PDGFRB: variants seen among roughly 807,000 people sequenced by gnomAD.
The protein encoded by PDGFRB is platelet-derived growth factor receptor beta.
PDGFRB carries 42 observed loss-of-function variants against 120.2 expected under a neutral mutation model. The observed-to-expected ratio is 0.35, with a 90% CI of 0.27 to 0.45. The LOEUF (loss-of-function observed/expected upper bound fraction) is 0.45, where lower values mean the gene tolerates loss of function less well. Among genes scored for constraint, PDGFRB ranks in the 20% least tolerant of loss-of-function variants. PDGFRB has a pLI of 1.00. For missense variants in PDGFRB, 1,149 were observed against 1,476.3 expected (o/e 0.78, Z 3.63); for synonymous variants, 586 against 606.8 (o/e 0.97, Z 0.50).
At position 150,135,769 on chromosome 5, in the gene PDGFRB, G is replaced by A. The variant is rs753583697; in HGVS notation, c.150C>T (p.Phe50=). 2.3e-5 allele frequency: 37 copies of A among 1,612,924 alleles called. No individual in the cohort carries two copies. The highest frequency in any genetic ancestry group is 1.4e-4 in the South Asian group (13 of 90,906). ...GAGCTGAACCCGAGCAGGTCAGAAC[G>A]AAGGTGCTGGAGACATTGAGGACAA... is the stretch of plus-strand genomic sequence containing the variant. ...PELVLNVSST[F]VLTCSGSAPV... The change falls in exon 3 of 23, where the codon TTC becomes TTT. Residue 50 remains phenylalanine (F), a synonymous_variant. Coordinates refer to ENST00000261799, the MANE Select transcript of PDGFRB (RefSeq NM_002609.4).
chr5:150,135,742 C>T lies in PDGFRB; in HGVS notation c.177G>A (p.Pro59=), dbSNP rs540479594. The change falls in exon 3 of 23, where the codon CCG becomes CCA. Residue 59 remains proline, a synonymous_variant. Transcript: ENST00000261799. ...TFVLTCSGSA[P]VVWERMSQEP... is the part of the protein sequence containing the mutation. ...CCTGGGACATCCGTTCCCACACCAC[C>T]GGAGCTGAACCCGAGCAGGTCAGAA... 2.0e-5 allele frequency: 32 copies of T among 1,614,092 alleles called. No individual in the cohort carries two copies. The highest frequency in any genetic ancestry group is 1.5e-4 in the African/African-American group (11 of 75,034).
chr5:150,144,767 G>A (rs2113924833), intron 1 of PDGFRB, among the ~76,000 whole-genome samples: 1 of 152,272 alleles, frequency 6.6e-6, no homozygotes, highest in East Asian at 1.9e-4. Flanking sequence ...GGAGGTCAGT[G>A]AGGGAGGGAG....
chr5:150,121,428 C>T lies in PDGFRB; in HGVS notation c.2345-106G>A. ...ACTGAATGTCCAAGACAGGTGGCTA[C>T]TGATCGTCTAGGTCTCCCCTAAAAG... is the stretch of plus-strand genomic sequence containing the variant. On this transcript the variant is annotated intron_variant, in intron 16 of 22. Coordinates refer to ENST00000261799, the MANE Select transcript of PDGFRB (RefSeq NM_002609.4). The surrounding 1 kb of genome is among the most constrained non-coding windows in gnomAD (Gnocchi z 4.1). 5 of 746,826 alleles carry T rather than the reference C, an allele frequency of 6.7e-6. No individual in the cohort carries two copies. The South Asian group carries it at 7.1e-5, about 11-fold the overall frequency. The allele number at this position is 746,826 out of a possible 1,614,324, so 46.3% of individuals were successfully genotyped here. A position where few individuals can be genotyped will look rare whatever the true frequency, so the allele number is the denominator to read the frequency against.
chr5:150,153,168 T>G (rs768550540), intron 1 of PDGFRB, among the ~76,000 whole-genome samples: 6 of 152,164 alleles, frequency 3.9e-5, no homozygotes, highest in Non-Finnish European at 8.8e-5. Context: ...CCACGGTGCT[T>G]TCCACTGCCT....
intron 1 of PDGFRB, among the ~76,000 whole-genome samples, chr5:150,145,354 G>A (rs1760892266): frequency 6.6e-6 from 1 of 152,180 alleles, no homozygotes; most frequent in Non-Finnish European, 1.5e-5. Flanking sequence ...AAGTTTTTGG[G>A]GAGTCAAAAG....
chr5:150,151,404 C>T (rs1399269082), intron 1 of PDGFRB, among the ~76,000 whole-genome samples: 1 of 152,220 alleles, frequency 6.6e-6, no homozygotes, highest in Non-Finnish European at 1.5e-5. Flanking sequence ...GAGGCACATT[C>T]TCAGGGTTTA....
intron 1 of PDGFRB, among the ~76,000 whole-genome samples, chr5:150,137,928 C>T (rs1291911371): frequency 1.3e-5 from 2 of 152,010 alleles, no homozygotes; most frequent in Non-Finnish European, 1.5e-5. Context: ...CCCAGAGAGA[C>T]AGCACCAGAG....
At chr5:150,119,315 T>C (rs1354279332) in intron 20 of PDGFRB, 152 bp downstream of exon 20, 2 of 665,756 alleles carry the variant, frequency 3.0e-6, no homozygotes, top group Admixed American at 4.6e-5. Context: ...AAGAGGTTCC[T>C]GATGCCATCC....
At position 150,117,683 on chromosome 5, in the gene PDGFRB, G is replaced by A. The variant is rs1282879442; in HGVS notation, c.3072C>T (p.Pro1024=). The A allele has an allele frequency of 6.2e-7, 1 of 1,613,814 alleles. No individual in the cohort carries two copies. The highest frequency in any genetic ancestry group is 8.5e-7 in the Non-Finnish European group (1 of 1,179,908). The change falls in exon 22 of 23, where the codon CCC becomes CCT. Residue 1024 remains proline, a synonymous_variant. Transcript: ENST00000261799. The part of the protein sequence containing the change: ...PNEGDNDYII[P]LPDPKPEVAD... The stretch of plus-strand genomic sequence containing the variant: ...CAACCTCGGGTTTGGGGTCAGGCAG[G>A]GGGATGATATAGTCGTTGTCACCCT...
In PDGFRB at chr5:150,115,787, C is replaced by T. The variant is rs376978985; in HGVS notation, c.3297G>A (p.Ala1099=). The part of the protein sequence containing the change: ...LPDSGCPAPR[A]EAEDSFL ...CCTACAGGAAGCTATCCTCTGCTTC[C>T]GCCCGAGGCGCAGGGCACCCCGAAT... is the stretch of plus-strand genomic sequence containing the variant. Residue 1099 remains alanine (A), a synonymous_variant, in exon 23 of 23, where the codon GCG becomes GCA. Transcript: ENST00000261799. 63 of 1,609,880 alleles carry T rather than the reference C, an allele frequency of 3.9e-5. No homozygotes were observed. Among genetic ancestry groups the T allele is most frequent in the Middle Eastern group, 3.9e-4 (2 of 5,178 alleles).
At position 150,115,715 on chromosome 5, in the gene PDGFRB, T is replaced by C; in HGVS notation, c.*48A>G. ...TCAGGCCAGGCCAGGAGATGCTGGG[T>C]GCTGGCAGGGGGGGAGCTTCAGGCA... On this transcript the variant is annotated 3_prime_UTR_variant, in exon 23 of 23. Coordinates refer to ENST00000261799, the MANE Select transcript of PDGFRB (RefSeq NM_002609.4). The C allele has an allele frequency of 6.6e-7, 1 of 1,511,244 alleles. No homozygotes were observed. The highest frequency in any genetic ancestry group is 8.9e-7 in the Non-Finnish European group (1 of 1,129,620). The allele number at this position is 1,511,244 out of a possible 1,614,324, so 93.6% of individuals were successfully genotyped here.
At chr5:150,147,402 C>T (rs1322291507) in intron 1 of PDGFRB, among the ~76,000 whole-genome samples, 1 of 152,214 alleles carries the variant, frequency 6.6e-6, no homozygotes, top group African/African-American at 2.4e-5. Context: ...AGCAAACCTT[C>T]TGTTCCCCGG....
In PDGFRB at chr5:150,121,381, C is replaced by G. The variant is rs998122110; in HGVS notation, c.2345-59G>C. Reference sequence around the variant, plus strand: ...ATATCTCCTTCTGGCCCACAGGACCCCTGCCCTTTGGCTCCTGGGAGACTG... The same window carrying G: ...ATATCTCCTTCTGGCCCACAGGACCGCTGCCCTTTGGCTCCTGGGAGACTG... On this transcript the variant is annotated intron_variant, in intron 16 of 22. Coordinates refer to ENST00000261799, the MANE Select transcript of PDGFRB (RefSeq NM_002609.4). This position sits in a 1 kb window ranked among gnomAD's most constrained non-coding sequence, Gnocchi z 4.1. The G allele has an allele frequency of 5.9e-6, 5 of 846,054 alleles. No individual in the cohort carries two copies. In the African/African-American group the frequency reaches 8.3e-5, roughly 14 times the overall value. The allele number at this position is 846,054 out of a possible 1,614,324, so 52.4% of individuals were successfully genotyped here.
chr5:150,145,799 G>T (rs1297488768), intron 1 of PDGFRB, among the ~76,000 whole-genome samples: 1 of 152,174 alleles, frequency 6.6e-6, no homozygotes, highest in Non-Finnish European at 1.5e-5. Flanking sequence ...TTCTCGGGAG[G>T]CTGAGTCAGG....
chr5:150,131,938 A>T, intron 8 of PDGFRB, 41 bp downstream of exon 8: 1 of 1,028,408 alleles, frequency 9.7e-7, no homozygotes, highest in Non-Finnish European at 1.5e-6. Context: ...GGGGGCAGGG[A>T]GGGGAAGGAG....
At position 150,132,674 on chromosome 5, in the gene PDGFRB, G is replaced by T; in HGVS notation, c.1127+76C>A. 7.0e-7 allele frequency: 1 copy of T among 1,421,714 alleles called. No individual in the cohort carries two copies. The highest frequency in any genetic ancestry group is 2.4e-5 in the East Asian group (1 of 41,206). The allele number at this position is 1,421,714 out of a possible 1,614,324, so 88.1% of individuals were successfully genotyped here. On this transcript the variant is annotated intron_variant, in intron 7 of 22. Coordinates refer to ENST00000261799, the MANE Select transcript of PDGFRB (RefSeq NM_002609.4). This position sits in a 1 kb window ranked among gnomAD's most constrained non-coding sequence, Gnocchi z 5.0. ...TCAGAAAGCTGGGCCTAGGTTTGTGGCTGAAAGCCGAGGGCTGCCTGGCGG... is the reference window on the plus strand; with the variant it reads ...TCAGAAAGCTGGGCCTAGGTTTGTGTCTGAAAGCCGAGGGCTGCCTGGCGG...
At chr5:150,116,765 A>G (rs547564613) in intron 22 of PDGFRB, among the ~76,000 whole-genome samples, 1 of 152,258 alleles carries the variant, frequency 6.6e-6, no homozygotes, top group African/African-American at 2.4e-5. Flanking sequence ...TGCACCATCC[A>G]CTGGGACTCT....
At chr5:150,116,075 T>G in intron 22 of PDGFRB, 129 bp from the exon 23 acceptor site, 7 of 734,474 alleles carry the variant, frequency 9.5e-6, no homozygotes, top group Middle Eastern at 3.7e-4. Context: ...CATTTAACTC[T>G]TGTGAAAACT....
At chr5:150,122,927 G>T in intron 15 of PDGFRB, 115 bp downstream of exon 15, 1 of 905,026 alleles carries the variant, frequency 1.1e-6, no homozygotes, top group Non-Finnish European at 1.7e-6. Flanking sequence ...CTCCAGGAGT[G>T]ATTCTGTCCC....
Sources: gnomAD v4.1 joint callset for allele counts (sites outside exome capture counted in the v4.1 genomes callset) on GRCh38, gnomAD v4.1.1 for gene constraint, Gnocchi (gnomAD v3.1) non-coding constraint, MANE v1.5 for transcripts, NCBI Gene and HGNC (gene_info 2026-07-23, HGNC 2026-07-21) for gene names.